The following SRD5A1 variants were observed in gnomAD, a reference collection of about 807,000 sequenced individuals.
SRD5A1 encodes the protein 3-oxo-5-alpha-steroid 4-dehydrogenase 1.
SRD5A1 carries 22 observed loss-of-function variants against 28.2 expected under a neutral mutation model. The observed-to-expected ratio is 0.78, with a 90% CI of 0.56 to 1.12. The LOEUF is 1.12. Ranked by LOEUF, SRD5A1 falls within the 50% of genes most tolerant of loss-of-function variation. The pLI, the probability that SRD5A1 is intolerant of heterozygous loss-of-function variation, is 0.00. For missense variants in SRD5A1, 300 were observed against 346.7 expected, an observed-to-expected ratio of 0.87 and a Z score of 1.07; for synonymous variants, 151 against 135.0, an observed-to-expected ratio of 1.12 and a Z score of -0.82.
At chr5:6,655,577 A>G (rs954168734) in intron 2 of SRD5A1, among the ~76,000 whole-genome samples, 23 of 152,132 alleles carry the variant, frequency 1.5e-4, no homozygotes, top group Non-Finnish European at 7.3e-5. Flanking sequence ...GGTTGTAAAT[A>G]AGAGAAGACC....
At chr5:6,644,970 G>C in intron 1 of SRD5A1, 1 of 455,958 alleles carries the variant, frequency 2.2e-6, no homozygotes, top group South Asian at 1.5e-5. Flanking sequence ...GCTTCCAGGA[G>C]AATACCCACC....
chr5:6,655,934 G>A, intron 2 of SRD5A1, 144 bp from the exon 3 acceptor site: 1 of 639,340 alleles, frequency 1.6e-6, no homozygotes, highest in South Asian at 1.9e-5. Flanking sequence ...GTCCTTAATG[G>A]TTTTTACTAC....
intron 1 of SRD5A1, among the ~76,000 whole-genome samples, chr5:6,636,947 C>T (rs1039993925): frequency 3.9e-5 from 6 of 152,070 alleles, no homozygotes; most frequent in Non-Finnish European, 7.4e-5. Context: ...ATAGCCATGA[C>T]GCAGGACGAG....
chr5:6,634,788 G>A (rs1416308667), intron 1 of SRD5A1, among the ~76,000 whole-genome samples: 3 of 152,202 alleles, frequency 2.0e-5, no homozygotes, highest in Non-Finnish European at 4.4e-5. Context: ...AAATCTTCAA[G>A]CCTTCTAATA....
intron 2 of SRD5A1, among the ~76,000 whole-genome samples, chr5:6,652,929 A>G (rs965463917): frequency 6.6e-6 from 1 of 151,748 alleles, no homozygotes. Flanking sequence ...GTTCTTCTAT[A>G]TATTTGTTTA....
chr5:6,645,051 T>G (rs1738469256), intron 1 of SRD5A1: 1 of 454,760 alleles, frequency 2.2e-6, no homozygotes, highest in South Asian at 1.6e-5. Context: ...CAGTATGAAG[T>G]CTTCCTAGGG....
At chr5:6,633,891 CCCCTA>C (rs765290525) in intron 1 of SRD5A1, 22 bp downstream of exon 1, 1 of 1,594,782 alleles carries the variant, frequency 6.3e-7, no homozygotes, top group South Asian at 1.1e-5. Flanking sequence ...GGCCCCCGGC[CCCCTA>C]CCCTACTCCC....
chr5:6,653,775 G>A (rs549332705), intron 2 of SRD5A1, among the ~76,000 whole-genome samples: 1 of 152,338 alleles, frequency 6.6e-6, no homozygotes, highest in East Asian at 1.9e-4. Context: ...CCTGTTTAAA[G>A]TAGCTCCGCA....
chr5:6,639,733 G>A (rs896926421), intron 1 of SRD5A1, among the ~76,000 whole-genome samples: 1 of 152,150 alleles, frequency 6.6e-6, no homozygotes, highest in African/African-American at 2.4e-5. Flanking sequence ...CATTCTGTCT[G>A]TTCTGAATGT....
rs200581557 is a variant in SRD5A1, at chr5:6,654,061, AT to A, written c.461-2006del. On this transcript the variant is annotated intron_variant, in intron 2 of 4. Coordinates refer to ENST00000274192, the MANE Select transcript of SRD5A1 (RefSeq NM_001047.4). Reference sequence around the variant, plus strand: ...AGTAATAAGCAAATAATAATAATATATTTTTTTTTTTGAGATGGAGTTTCTC... The same window carrying A: ...AGTAATAAGCAAATAATAATAATATATTTTTTTTTTGAGATGGAGTTTCTC... Among the ~76,000 whole-genome samples, 158 of 149,684 alleles carry A rather than the reference AT, an allele frequency of 1.1e-3. No homozygotes were observed. The East Asian group carries it at 0.011, about 10-fold the overall frequency.
At chr5:6,639,120 C>T (rs1738285934) in intron 1 of SRD5A1, among the ~76,000 whole-genome samples, 1 of 152,074 alleles carries the variant, frequency 6.6e-6, no homozygotes, top group Admixed American at 6.5e-5. Context: ...TATAAGTAAA[C>T]CAAGGGATTA....
In SRD5A1 at chr5:6,665,690, C is replaced by T. The variant is rs8192235; in HGVS notation, c.714-2512C>T. On this transcript the variant is annotated intron_variant, in intron 4 of 4. Transcript: ENST00000274192. ...AAAGAAACAAATGAGATAACACTGA[C>T]GTTTAAAAAAACACGGATCAGAGTA... is the stretch of plus-strand genomic sequence containing the variant. 4.9e-3 allele frequency among the ~76,000 whole-genome samples: 741 copies of T among 152,114 alleles called. 8 individuals are homozygous for T. Among genetic ancestry groups the T allele is most frequent in the African/African-American group, 0.017 (706 of 41,470 alleles).
At chr5:6,651,762 C>G in intron 1 of SRD5A1, 80 bp from the exon 2 acceptor site, 1 of 1,357,380 alleles carries the variant, frequency 7.4e-7, no homozygotes, top group African/African-American at 1.5e-5. Flanking sequence ...AGATTTAAAA[C>G]CCAAATCATT....
In SRD5A1 at chr5:6,669,215, T is replaced by G. The variant is rs1739288332; in HGVS notation, c.*947T>G. 6.6e-6 allele frequency: 1 copy of G among 152,260 alleles called. No individual in the cohort carries two copies. Among genetic ancestry groups the G allele is most frequent in the African/African-American group, 2.4e-5 (1 of 41,472 alleles). 9.4% of individuals were successfully genotyped at this position (152,260 alleles called of 1,614,324 possible). A position where few individuals can be genotyped will look rare whatever the true frequency, so the allele number is the denominator to read the frequency against. On this transcript the variant is annotated 3_prime_UTR_variant, in exon 5 of 5. Coordinates refer to ENST00000274192, the MANE Select transcript of SRD5A1 (RefSeq NM_001047.4). Reference sequence around the variant, plus strand: ...AATAACAAGACCACTTTTTAAGATTTATCCTGTTTGTTCTTTGTTGATTGA... The same window carrying G: ...AATAACAAGACCACTTTTTAAGATTGATCCTGTTTGTTCTTTGTTGATTGA...
chr5:6,651,612 A>G (rs1738674006), intron 1 of SRD5A1, among the ~76,000 whole-genome samples: 2 of 152,214 alleles, frequency 1.3e-5, no homozygotes, highest in African/African-American at 4.8e-5. Flanking sequence ...GTGAGCCATG[A>G]TCAAGCCACT....
rs192699456 is a variant in SRD5A1 at position 6,649,777 on chromosome 5, A to G, written c.294-2065A>G. Among the ~76,000 whole-genome samples, 220 of 152,210 alleles carry G rather than the reference A, an allele frequency of 1.4e-3. 1 individual carries two copies. The highest frequency in any genetic ancestry group is 5.1e-3 in the African/African-American group (210 of 41,546). ...CGTGGGCTGCACCCACTGTCCAACC[A>G]GTCCCAGTGAGATAAGCCAGTTACC... On this transcript the variant is annotated intron_variant, in intron 1 of 4. Coordinates refer to ENST00000274192, the MANE Select transcript of SRD5A1 (RefSeq NM_001047.4).
intron 1 of SRD5A1, among the ~76,000 whole-genome samples, chr5:6,637,757 A>C (rs1309499042): frequency 6.6e-6 from 1 of 152,120 alleles, no homozygotes; most frequent in Non-Finnish European, 1.5e-5. Context: ...CCCAGAGTGC[A>C]CAGTCAGATG....
rs1739323622 is a variant in SRD5A1, at chr5:6,670,396, A to G, written c.*2128A>G. ...GACAGAACTTGGAACCCAAAAGCCC[A>G]TTTCTCTCCTTCCGTCCAGACCCTG... On this transcript the variant is annotated 3_prime_UTR_variant, in exon 5 of 5. Coordinates refer to ENST00000274192, the MANE Select transcript of SRD5A1 (RefSeq NM_001047.4). The G allele has an allele frequency of 6.6e-6, 1 of 152,142 alleles. No homozygotes were observed. Among genetic ancestry groups the G allele is most frequent in the Non-Finnish European group, 1.5e-5 (1 of 68,090 alleles). The allele number at this position is 152,142 out of a possible 1,614,324, so 9.4% of individuals were successfully genotyped here.
chr5:6,649,006 C>T (rs938901492), intron 1 of SRD5A1, among the ~76,000 whole-genome samples: 1 of 152,154 alleles, frequency 6.6e-6, no homozygotes, highest in African/African-American at 2.4e-5. Context: ...CCTGAGTTTG[C>T]TGGAGGTCCG....
Sources: gnomAD v4.1 joint callset for allele counts (sites outside exome capture counted in the v4.1 genomes callset) on GRCh38, gnomAD v4.1.1 for gene constraint, MANE v1.5 for transcripts, NCBI Gene and HGNC (gene_info 2026-07-23, HGNC 2026-07-21) for gene names.